Variants in OSTF1 observed in about 807,000 individuals in gnomAD.
OSTF1 encodes osteoclast-stimulating factor 1.
Under a neutral mutation model 37.2 loss-of-function variants are expected in OSTF1, and 27 were observed. The ratio of observed to expected loss-of-function variants is 0.73; its 90% CI spans 0.54 to 1.00. The LOEUF is 1.00. Among genes scored for constraint, OSTF1 ranks in the 50% least tolerant of loss-of-function variants. OSTF1 has a pLI of 0.00. For synonymous variants in OSTF1, 82 were observed against 89.2 expected, an observed-to-expected ratio of 0.92 and a Z score of 0.46; for missense variants, 232 against 253.8, an observed-to-expected ratio of 0.91 and a Z score of 0.58.
intron 9 of OSTF1, among the ~76,000 whole-genome samples, chr9:75,142,229 C>T (rs960518518): frequency 6.6e-6 from 1 of 152,146 alleles, no homozygotes; most frequent in African/African-American, 2.4e-5. Flanking sequence ...ATGGGTTCTA[C>T]TAAGGGAATG....
At chr9:75,103,399 C>T (rs1455229503) in intron 1 of OSTF1, among the ~76,000 whole-genome samples, 3 of 152,136 alleles carry the variant, frequency 2.0e-5, no homozygotes, top group Non-Finnish European at 4.4e-5. Context: ...TCATTGTAGA[C>T]AATTTAGAAA....
intron 2 of OSTF1, among the ~76,000 whole-genome samples, chr9:75,122,773 G>A (rs1825600336): frequency 6.6e-6 from 1 of 152,166 alleles, no homozygotes; most frequent in Non-Finnish European, 1.5e-5. Flanking sequence ...GAACAAATTA[G>A]TTAATATTTC....
chr9:75,126,726 A>G (rs1299958055), intron 2 of OSTF1, among the ~76,000 whole-genome samples: 1 of 151,966 alleles, frequency 6.6e-6, no homozygotes, highest in Non-Finnish European at 1.5e-5. Context: ...CCGAGTAGCT[A>G]TGATTACAGG....
chr9:75,128,249 G>C, intron 3 of OSTF1, among the ~76,000 whole-genome samples: 1 of 148,932 alleles, frequency 6.7e-6, no homozygotes, highest in Non-Finnish European at 1.5e-5. Flanking sequence ...TGAATCAAAT[G>C]AACTTAATTG....
intron 1 of OSTF1, among the ~76,000 whole-genome samples, chr9:75,117,266 CT>C (rs1335841047): frequency 6.6e-6 from 1 of 152,152 alleles, no homozygotes; most frequent in Non-Finnish European, 1.5e-5. Context: ...CTATGGCCAT[CT>C]TATGGTGGTA....
chr9:75,089,736 G>A (rs1824918936), intron 1 of OSTF1, among the ~76,000 whole-genome samples: 1 of 152,224 alleles, frequency 6.6e-6, no homozygotes, highest in Non-Finnish European at 1.5e-5. Flanking sequence ...GCGAAATGCT[G>A]AAATTTAATC....
intron 3 of OSTF1, among the ~76,000 whole-genome samples, chr9:75,128,793 G>T (rs1041341688): frequency 2.0e-5 from 3 of 151,140 alleles, no homozygotes; most frequent in Admixed American, 1.3e-4. Flanking sequence ...TAGCAAAAAG[G>T]ATACACAGAT....
intron 1 of OSTF1, among the ~76,000 whole-genome samples, chr9:75,103,237 T>A (rs1295123786): frequency 2.0e-5 from 3 of 152,210 alleles, no homozygotes; most frequent in Admixed American, 2.0e-4. Flanking sequence ...AAGCTATGAC[T>A]GCGTCATTGT....
chr9:75,146,711 G>A lies in OSTF1; in HGVS notation c.615G>A (p.Glu205=). ...CAGTTCGAACATTAAGCAATGCCGA[G>A]GACTATCTCGATGATGAAGACTCAG... ...TDAVRTLSNA[E]DYLDDEDSD is the part of the protein sequence containing the mutation. Residue 205 remains glutamate, a synonymous_variant, in exon 10 of 10, where the codon GAG becomes GAA. Coordinates refer to ENST00000346234, the MANE Select transcript of OSTF1 (RefSeq NM_012383.5). The A allele has an allele frequency of 1.2e-6, 2 of 1,610,120 alleles. No individual in the cohort carries two copies. Among genetic ancestry groups the A allele is most frequent in the Non-Finnish European group, 1.7e-6 (2 of 1,178,190 alleles).
intron 1 of OSTF1, among the ~76,000 whole-genome samples, chr9:75,111,939 T>C (rs1825398539): frequency 2.8e-5 from 4 of 142,530 alleles, no homozygotes; most frequent in African/African-American, 1.0e-4. Flanking sequence ...TTCTCCTGCC[T>C]CAGCCTCCTG....
At chr9:75,145,619 C>T (rs1826011903) in intron 9 of OSTF1, among the ~76,000 whole-genome samples, 1 of 152,188 alleles carries the variant, frequency 6.6e-6, no homozygotes, top group African/African-American at 2.4e-5. Context: ...GTTAATGTAG[C>T]AAGGGCAGGA....
At chr9:75,094,104 T>C (rs763769413) in intron 1 of OSTF1, among the ~76,000 whole-genome samples, 14 of 152,226 alleles carry the variant, frequency 9.2e-5, no homozygotes, top group Non-Finnish European at 1.6e-4. Flanking sequence ...GAAGCTTTAA[T>C]TGAGTCCATG....
chr9:75,112,904 A>G (rs920394603), intron 1 of OSTF1, among the ~76,000 whole-genome samples: 3 of 152,230 alleles, frequency 2.0e-5, no homozygotes, highest in Non-Finnish European at 2.9e-5. Context: ...AGTTCGAAGT[A>G]ATCAAGATAA....
intron 2 of OSTF1, among the ~76,000 whole-genome samples, chr9:75,126,575 T>A (rs1472499535): frequency 6.6e-6 from 1 of 152,034 alleles, no homozygotes; most frequent in East Asian, 1.9e-4. Flanking sequence ...TGTTTTTTGG[T>A]TGTTTTTGTT....
Position 75,117,737 on chromosome 9 carries a change from AG to A in OSTF1, c.81+189del, listed in dbSNP as rs1398535447. On this transcript the variant is annotated intron_variant, in intron 2 of 9. Transcript: ENST00000346234. ...TGATTTGCATGTCTTCTGCATCTTG[AG>A]GTCATGTCTGTCTTGTAAAGCTTCT... Among the ~76,000 whole-genome samples the A allele has an allele frequency of 6.6e-5, 10 of 152,288 alleles. No homozygotes were observed. In the South Asian group the frequency reaches 1.9e-3, roughly 28 times the overall value.
chr9:75,100,067 G>C (rs1354080849), intron 1 of OSTF1, among the ~76,000 whole-genome samples: 1 of 152,230 alleles, frequency 6.6e-6, no homozygotes, highest in Non-Finnish European at 1.5e-5. Flanking sequence ...GATAGCAAGA[G>C]ATAGCAGGTT....
chr9:75,090,526 A>T (rs1489906297), intron 1 of OSTF1, among the ~76,000 whole-genome samples: 1 of 152,160 alleles, frequency 6.6e-6, no homozygotes, highest in Non-Finnish European at 1.5e-5. Context: ...TTGATTCAGG[A>T]TAAAGGGAAT....
At chr9:75,111,474 G>A (rs1024746898) in intron 1 of OSTF1, among the ~76,000 whole-genome samples, 1 of 152,168 alleles carries the variant, frequency 6.6e-6, no homozygotes, top group African/African-American at 2.4e-5. Context: ...TGCTGCTGCT[G>A]TGCTGATCTT....
rs1179941782 is a variant in OSTF1 at position 75,116,784 on chromosome 9, A to G, written c.35-720A>G. On this transcript the variant is annotated intron_variant, in intron 1 of 9. Coordinates refer to ENST00000346234, the MANE Select transcript of OSTF1 (RefSeq NM_012383.5). ...GATCTCAGGGTTGGAAGGACTCTGT[A>G]TAGGACAGAACCTAAGCACAAATAA... Among the ~76,000 whole-genome samples the G allele has an allele frequency of 3.9e-5, 6 of 152,298 alleles. 1 individual carries two copies. The highest frequency in any genetic ancestry group is 4.1e-4 in the South Asian group (2 of 4,828).
Sources: gnomAD v4.1 joint callset for allele counts (sites outside exome capture counted in the v4.1 genomes callset) on GRCh38, gnomAD v4.1.1 for gene constraint, MANE v1.5 for transcripts, NCBI Gene and HGNC (gene_info 2026-07-23, HGNC 2026-07-21) for gene names.